CMTR1: variants seen among roughly 807,000 people sequenced by gnomAD.
CMTR1 encodes cap methyltransferase 1.
A neutral mutation model predicts 107.0 loss-of-function variants in CMTR1; 39 were observed. That is an observed-to-expected ratio of 0.36 (90% CI 0.28 to 0.48). The LOEUF (loss-of-function observed/expected upper bound fraction) is 0.48, where lower values mean the gene tolerates loss of function less well. CMTR1 is among the 20% of genes least tolerant of loss of function. The pLI is 0.99. For synonymous variants in CMTR1, 366 were observed against 379.5 expected (o/e 0.96, Z 0.41); for missense variants, 672 against 1,064.9 (o/e 0.63, Z 5.14).
At chr6:37,475,094 G>A (rs1394045778) in intron 18 of CMTR1, among the ~76,000 whole-genome samples, 1 of 152,192 alleles carries the variant, frequency 6.6e-6, no homozygotes, top group Non-Finnish European at 1.5e-5. Flanking sequence ...TGGGTTTGAG[G>A]TTCAAGGGGC....
intron 22 of CMTR1, 90 bp from the exon 23 acceptor site, chr6:37,479,057 A>T: frequency 1.2e-6 from 1 of 858,496 alleles, no homozygotes. Flanking sequence ...AGGCAGGAAT[A>T]GGACCACCGG....
At chr6:37,435,863 C>A in intron 2 of CMTR1, 101 bp downstream of exon 2, 1 of 1,275,636 alleles carries the variant, frequency 7.8e-7, no homozygotes, top group Non-Finnish European at 1.1e-6. Flanking sequence ...GCCCCTTGGT[C>A]CCTTGAGGAA....
intron 22 of CMTR1, among the ~76,000 whole-genome samples, chr6:37,478,731 T>C (rs1007726697): frequency 6.6e-6 from 1 of 152,060 alleles, no homozygotes; most frequent in Non-Finnish European, 1.5e-5. Flanking sequence ...GGTTAGGCAA[T>C]AGGGAGAGGA....
chr6:37,475,714 G>T lies in CMTR1; in HGVS notation c.2036+302G>T, dbSNP rs1271128496. On this transcript the variant is annotated intron_variant, in intron 19 of 23. Coordinates refer to ENST00000373451, the MANE Select transcript of CMTR1 (RefSeq NM_015050.3). ...GCAAGAGGGTGACCTTGCGGGTAGAGGGGGTACTCCTTGGAAGAAATATCC... is the reference window on the plus strand; with the variant it reads ...GCAAGAGGGTGACCTTGCGGGTAGATGGGGTACTCCTTGGAAGAAATATCC... 1.4e-5 allele frequency: 7 copies of T among 517,592 alleles called. No homozygotes were observed. The East Asian group carries it at 1.7e-4, about 13-fold the overall frequency. The allele number at this position is 517,592 out of a possible 1,614,324, so 32.1% of individuals were successfully genotyped here.
In CMTR1 at chr6:37,461,674, C is replaced by A. The variant is rs771223705; in HGVS notation, c.1192+29C>A. The A allele has an allele frequency of 2.4e-5, 35 of 1,445,950 alleles. No individual in the cohort carries two copies. In the South Asian group the frequency reaches 4.2e-4, roughly 17 times the overall value. The allele number at this position is 1,445,950 out of a possible 1,614,324, so 89.6% of individuals were successfully genotyped here. Reference sequence around the variant, plus strand: ...ACACTTCCTCAGCTGTCTCCTCACCCCAGGACCCACTTAGAGGCCCTATTG... The same window carrying A: ...ACACTTCCTCAGCTGTCTCCTCACCACAGGACCCACTTAGAGGCCCTATTG... On this transcript the variant is annotated intron_variant, in intron 11 of 23. Coordinates refer to ENST00000373451, the MANE Select transcript of CMTR1 (RefSeq NM_015050.3).
intron 4 of CMTR1, among the ~76,000 whole-genome samples, chr6:37,446,721 T>G (rs1397594500): frequency 6.6e-6 from 1 of 152,184 alleles, no homozygotes; most frequent in African/African-American, 2.4e-5. Context: ...CCATAAAAAC[T>G]TTAATAAATA....
At chr6:37,434,261 A>T (rs537160335) in intron 1 of CMTR1, among the ~76,000 whole-genome samples, 2 of 152,014 alleles carry the variant, frequency 1.3e-5, no homozygotes, top group African/African-American at 2.4e-5. Context: ...CATTGGGTTG[A>T]TTGGCTCTTC....
chr6:37,446,509 T>C (rs528991226), intron 4 of CMTR1, 60 bp downstream of exon 4: 1 of 1,542,718 alleles, frequency 6.5e-7, no homozygotes, highest in Non-Finnish European at 8.7e-7. Flanking sequence ...TGCATGGCTT[T>C]AAGAAGCCAT....
At chr6:37,446,665 G>A (rs1383549122) in intron 4 of CMTR1, among the ~76,000 whole-genome samples, 1 of 152,232 alleles carries the variant, frequency 6.6e-6, no homozygotes, top group East Asian at 1.9e-4. Flanking sequence ...TTATAGGACT[G>A]TCTAAGACCA....
intron 13 of CMTR1, among the ~76,000 whole-genome samples, chr6:37,466,044 G>A (rs1275701503): frequency 6.7e-6 from 1 of 150,116 alleles, no homozygotes; most frequent in Non-Finnish European, 1.5e-5. Flanking sequence ...GGTGTTATAT[G>A]CAGGAAATCA....
At chr6:37,448,807 C>G (rs557714032) in intron 4 of CMTR1, among the ~76,000 whole-genome samples, 14 of 152,346 alleles carry the variant, frequency 9.2e-5, no homozygotes, top group Admixed American at 6.5e-4. Context: ...CCATGTTTCT[C>G]TATCCTGGTG....
intron 13 of CMTR1, 92 bp from the exon 14 acceptor site, chr6:37,470,929 T>C (rs1761610749): frequency 2.0e-6 from 2 of 985,898 alleles, no homozygotes; most frequent in South Asian, 1.7e-5. Flanking sequence ...CAAATATAGA[T>C]GGCCACTGCT....
intron 2 of CMTR1, among the ~76,000 whole-genome samples, chr6:37,439,275 G>A (rs1383141661): frequency 6.6e-6 from 1 of 152,202 alleles, no homozygotes; most frequent in East Asian, 1.9e-4. Context: ...CAAATTTGCT[G>A]TCAAATAACT....
At chr6:37,478,598 C>A in intron 22 of CMTR1, 77 bp downstream of exon 22, 1 of 1,219,498 alleles carries the variant, frequency 8.2e-7, no homozygotes, top group Non-Finnish European at 1.2e-6. Context: ...CAGACCCTAC[C>A]TGAGCCAGAG....
chr6:37,455,287 C>G (rs1485419778), intron 8 of CMTR1, among the ~76,000 whole-genome samples: 1 of 152,132 alleles, frequency 6.6e-6, no homozygotes. Flanking sequence ...TTCTCCACGT[C>G]AGGCTGGTAT....
At chr6:37,442,808 C>A (rs984860279) in intron 2 of CMTR1, among the ~76,000 whole-genome samples, 1 of 152,152 alleles carries the variant, frequency 6.6e-6, no homozygotes, top group Non-Finnish European at 1.5e-5. Flanking sequence ...TGAATAGTGA[C>A]CACCTCGGGT....
At chr6:37,438,670 G>T (rs1304221777) in intron 2 of CMTR1, among the ~76,000 whole-genome samples, 2 of 152,192 alleles carry the variant, frequency 1.3e-5, no homozygotes, top group Non-Finnish European at 2.9e-5. Flanking sequence ...CTGATAAAAG[G>T]CAACAATAGT....
At chr6:37,435,489 A>G in intron 1 of CMTR1, 135 bp from the exon 2 acceptor site, 1 of 877,844 alleles carries the variant, frequency 1.1e-6, no homozygotes, top group South Asian at 1.8e-5. Flanking sequence ...GGAAGAGGCT[A>G]TTCAAGTGCT....
chr6:37,429,949 A>C (rs76994596), upstream of CMTR1, among the ~76,000 whole-genome samples: 3 of 8,758 alleles, frequency 3.4e-4, no homozygotes, highest in East Asian at 2.0e-3. Context: ...AAAAATAATA[A>C]AAAAAAAAAA....
Sources: gnomAD v4.1 joint callset for allele counts (sites outside exome capture counted in the v4.1 genomes callset) on GRCh38, gnomAD v4.1.1 for gene constraint, MANE v1.5 for transcripts, NCBI Gene and HGNC (gene_info 2026-07-23, HGNC 2026-07-21) for gene names.